ACSL1: variants seen among roughly 807,000 people sequenced by gnomAD.
ACSL1 encodes the protein long-chain-fatty-acid--CoA ligase 1.
ACSL1 carries 41 observed loss-of-function variants against 98.4 expected under a neutral mutation model. The ratio of observed to expected loss-of-function variants is 0.42; its 90% confidence interval spans 0.32 to 0.54. The LOEUF (loss-of-function observed/expected upper bound fraction) is 0.54, where lower values mean the gene tolerates loss of function less well. Ranked by LOEUF, ACSL1 falls within the 20% of genes least tolerant of loss-of-function variation. ACSL1 has a pLI of 0.13. For synonymous variants in ACSL1, 316 were observed against 322.7 expected (o/e 0.98, Z 0.22); for missense variants, 734 against 883.1 (o/e 0.83, Z 2.14).
At position 184,803,190 on chromosome 4, in the gene ACSL1, G is replaced by T; in HGVS notation, c.195+130C>A. 4.1e-6 allele frequency: 4 copies of T among 965,758 alleles called. No individual in the cohort carries two copies. The highest frequency in any genetic ancestry group is 4.4e-6 in the Non-Finnish European group (3 of 685,402). The allele number at this position is 965,758 out of a possible 1,614,324, so 59.8% of individuals were successfully genotyped here. ...TCTATTTACCACCATCAGTAATTTGGCACATTTCCATTTACAAAGTGCAGT... is the reference window on the plus strand; with the variant it reads ...TCTATTTACCACCATCAGTAATTTGTCACATTTCCATTTACAAAGTGCAGT... On this transcript the variant is annotated intron_variant, in intron 2 of 20. Transcript: ENST00000281455. This position sits in a 1 kb window ranked among gnomAD's most constrained non-coding sequence, Gnocchi z 4.8.
intron 1 of ACSL1, among the ~76,000 whole-genome samples, chr4:184,810,232 A>T (rs1771911714): frequency 6.6e-6 from 1 of 152,228 alleles, no homozygotes; most frequent in South Asian, 2.1e-4. Flanking sequence ...CTGTAGAAAA[A>T]GTCTAATTCA....
intron 2 of ACSL1, among the ~76,000 whole-genome samples, chr4:184,790,047 A>G (rs1488940302): frequency 6.6e-6 from 1 of 152,148 alleles, no homozygotes; most frequent in Admixed American, 6.5e-5. Flanking sequence ...GAAACAAAAC[A>G]GGAGACACCA....
intron 1 of ACSL1, among the ~76,000 whole-genome samples, chr4:184,816,313 C>G (rs1000054049): frequency 1.3e-5 from 2 of 152,038 alleles, no homozygotes; most frequent in Non-Finnish European, 2.9e-5. Flanking sequence ...CAGGATTTAG[C>G]TCATCGTATT....
chr4:184,792,432 T>C (rs1024017467), intron 2 of ACSL1, among the ~76,000 whole-genome samples: 2 of 151,380 alleles, frequency 1.3e-5, no homozygotes, highest in Non-Finnish European at 3.0e-5. Context: ...CACATTCTAA[T>C]AATGAATTAT....
intron 2 of ACSL1, among the ~76,000 whole-genome samples, chr4:184,792,731 G>A (rs776337141): frequency 4.6e-5 from 7 of 152,296 alleles, no homozygotes; most frequent in South Asian, 4.1e-4. Context: ...GAGCCACTGC[G>A]CCTGGCCCAG....
chr4:184,799,721 T>C (rs1476261755), intron 2 of ACSL1, among the ~76,000 whole-genome samples: 2 of 152,050 alleles, frequency 1.3e-5, no homozygotes, highest in Non-Finnish European at 1.5e-5. Flanking sequence ...TGGTGGTGCA[T>C]GCCTATAGTC....
intron 2 of ACSL1, among the ~76,000 whole-genome samples, chr4:184,790,288 G>A (rs1378530613): frequency 6.6e-6 from 1 of 152,210 alleles, no homozygotes; most frequent in Middle Eastern, 3.4e-3. Context: ...TGTATATACT[G>A]TTTAAAAACA....
chr4:184,765,789 G>T, intron 14 of ACSL1, 102 bp downstream of exon 14: 1 of 933,110 alleles, frequency 1.1e-6, no homozygotes, highest in Admixed American at 2.6e-5. Context: ...TGTCAATTAA[G>T]AAAGAACACA....
At chr4:184,797,235 C>T (rs577108309) in intron 2 of ACSL1, among the ~76,000 whole-genome samples, 1 of 152,350 alleles carries the variant, frequency 6.6e-6, no homozygotes, top group Admixed American at 6.5e-5. Flanking sequence ...TGGCATGATC[C>T]CTATAGGCCC....
intron 1 of ACSL1, among the ~76,000 whole-genome samples, chr4:184,815,863 G>A (rs1772580129): frequency 6.6e-6 from 1 of 152,122 alleles, no homozygotes; most frequent in South Asian, 2.1e-4. Context: ...GTTCATGCCT[G>A]TAAACCCAGC....
intron 1 of ACSL1, among the ~76,000 whole-genome samples, chr4:184,805,187 A>G (rs1158899691): frequency 2.0e-5 from 3 of 152,240 alleles, no homozygotes; most frequent in Non-Finnish European, 4.4e-5. Context: ...ATCACTGGTC[A>G]TCAGAGAAAT....
intron 2 of ACSL1, among the ~76,000 whole-genome samples, chr4:184,792,400 C>G (rs1358310944): frequency 1.3e-5 from 2 of 152,172 alleles, no homozygotes; most frequent in African/African-American, 4.8e-5. Flanking sequence ...GCTTCAAAAT[C>G]TGTGGCTCTA....
At chr4:184,788,431 C>T in intron 3 of ACSL1, 186 bp downstream of exon 3, 1 of 683,406 alleles carries the variant, frequency 1.5e-6, no homozygotes, top group Non-Finnish European at 2.7e-6. Flanking sequence ...CCCCCAGGGC[C>T]ACAGGGAACA....
At chr4:184,819,602 TAC>T (rs143217637) in intron 1 of ACSL1, among the ~76,000 whole-genome samples, 2,156 of 152,118 alleles carry the variant, frequency 0.014, 50 homozygotes, top group African/African-American at 0.048. Flanking sequence ...GTGTCTTGGG[TAC>T]ACAGACCCAT....
chr4:184,761,332 TA>T (rs776299110), intron 17 of ACSL1, among the ~76,000 whole-genome samples: 1 of 152,206 alleles, frequency 6.6e-6, no homozygotes, highest in African/African-American at 2.4e-5. Context: ...AAATCTGAAG[TA>T]ATTTTGGGAG....
Position 184,773,913 on chromosome 4 carries a change from T to C in ACSL1, c.757-38A>G. ...AGAAAAAAAGTCTTAAATGGAAACG[T>C]TTTCTAACTGTAAAGGATAAGGTCA... is the stretch of plus-strand genomic sequence containing the variant. On this transcript the variant is annotated intron_variant, in intron 7 of 20. Transcript: ENST00000281455. The surrounding 1 kb of genome is among the most constrained non-coding windows in gnomAD (Gnocchi z 4.3). 1 of 1,612,060 alleles carries C rather than the reference T, an allele frequency of 6.2e-7. No homozygotes were observed. The highest frequency in any genetic ancestry group is 8.5e-7 in the Non-Finnish European group (1 of 1,178,764).
chr4:184,823,148 G>A (rs1773197902), intron 1 of ACSL1, among the ~76,000 whole-genome samples: 1 of 152,156 alleles, frequency 6.6e-6, no homozygotes, highest in Admixed American at 6.5e-5. Flanking sequence ...TGACTACCAA[G>A]TTGGACTGCC....
chr4:184,810,721 CGGATA>C (rs199918322), intron 1 of ACSL1, among the ~76,000 whole-genome samples: 4 of 151,882 alleles, frequency 2.6e-5, no homozygotes, highest in East Asian at 1.9e-4. Flanking sequence ...AGGGCTCAAG[CGGATA>C]GGATAGGATA....
intron 3 of ACSL1, among the ~76,000 whole-genome samples, chr4:184,785,910 T>C (rs1189078647): frequency 6.6e-6 from 1 of 152,146 alleles, no homozygotes; most frequent in African/African-American, 2.4e-5. Context: ...ATCTATGTGG[T>C]TTTTCCTGGG....
Sources: gnomAD v4.1 joint callset for allele counts (sites outside exome capture counted in the v4.1 genomes callset) on GRCh38, gnomAD v4.1.1 for gene constraint, Gnocchi (gnomAD v3.1) non-coding constraint, MANE v1.5 for transcripts, NCBI Gene and HGNC (gene_info 2026-07-23, HGNC 2026-07-21) for gene names.